Variants in LRRC1 observed in about 807,000 individuals in gnomAD.
The protein encoded by LRRC1 is leucine-rich repeat-containing protein 1.
In LRRC1, 28 loss-of-function variants were observed where a neutral mutation model predicts 69.9. The ratio of observed to expected loss-of-function variants is 0.40; its 90% CI spans 0.30 to 0.55. The LOEUF is 0.55. LRRC1 is among the 20% of genes least tolerant of loss of function. The probability of loss-of-function intolerance (pLI) is 0.47; values close to 1 mark genes in which losing one functional copy is unlikely to be tolerated. For missense variants in LRRC1, 498 were observed against 609.0 expected, an observed-to-expected ratio of 0.82 and a Z score of 1.92; for synonymous variants, 236 against 240.2, an observed-to-expected ratio of 0.98 and a Z score of 0.16.
chr6:53,843,277 A>G (rs1464529227), intron 2 of LRRC1, among the ~76,000 whole-genome samples: 1 of 152,132 alleles, frequency 6.6e-6, no homozygotes, highest in Non-Finnish European at 1.5e-5. Context: ...GATTATCTTT[A>G]GGTCTGTATA....
At chr6:53,832,786 T>G (rs781587460) in intron 1 of LRRC1, among the ~76,000 whole-genome samples, 4 of 152,138 alleles carry the variant, frequency 2.6e-5, no homozygotes, top group Non-Finnish European at 5.9e-5. Context: ...TGGCCTAAGT[T>G]CCTTTTTTTC....
intron 9 of LRRC1, among the ~76,000 whole-genome samples, chr6:53,902,970 A>G (rs1768106515): frequency 6.6e-6 from 1 of 152,172 alleles, no homozygotes; most frequent in Admixed American, 6.5e-5. Flanking sequence ...CTTTGAATAT[A>G]GAGACTGAAC....
rs945687032 is a variant in LRRC1, at chr6:53,923,703, T to C, written c.*910T>C. The C allele has an allele frequency of 6.6e-6, 1 of 152,484 alleles. No individual in the cohort carries two copies. The highest frequency in any genetic ancestry group is 2.4e-5 in the African/African-American group (1 of 41,394). The allele number at this position is 152,484 out of a possible 1,614,324, so 9.4% of individuals were successfully genotyped here. ...CTGATGGTATGTGCCATTTGTAAAA[T>C]AAAATAGAGCAGAAAAACACAAAAA... On this transcript the variant is annotated 3_prime_UTR_variant, in exon 14 of 14. Transcript: ENST00000370888.
At chr6:53,864,943 A>T (rs1766647559) in intron 2 of LRRC1, among the ~76,000 whole-genome samples, 1 of 152,124 alleles carries the variant, frequency 6.6e-6, no homozygotes, top group Non-Finnish European at 1.5e-5. Flanking sequence ...TTGGAAATAG[A>T]AATATTGTGC....
chr6:53,878,851 T>C lies in LRRC1; in HGVS notation c.278-142T>C. The C allele has an allele frequency of 1.5e-5, 8 of 528,150 alleles. No homozygotes were observed. In the South Asian group the frequency reaches 2.1e-4, roughly 14 times the overall value. The allele number at this position is 528,150 out of a possible 1,614,324, so 32.7% of individuals were successfully genotyped here. A position where few individuals can be genotyped will look rare whatever the true frequency, so the allele number is the denominator to read the frequency against. On this transcript the variant is annotated intron_variant, in intron 2 of 13. Coordinates refer to ENST00000370888, the MANE Select transcript of LRRC1 (RefSeq NM_018214.5). ...TATTAGGAAAGCAAATATAAATATA[T>C]TAAAATACTTTATAAGTCTAGGTCA...
At chr6:53,813,494 A>G (rs999529308) in intron 1 of LRRC1, among the ~76,000 whole-genome samples, 1 of 148,572 alleles carries the variant, frequency 6.7e-6, no homozygotes, top group African/African-American at 2.5e-5. Context: ...GCCCAACTTT[A>G]CCAGCTGGAA....
chr6:53,838,923 A>G (rs1372872875), intron 1 of LRRC1, among the ~76,000 whole-genome samples: 3 of 152,154 alleles, frequency 2.0e-5, no homozygotes, highest in Non-Finnish European at 2.9e-5. Flanking sequence ...TTTGTCACCC[A>G]ACATAACTGC....
intron 2 of LRRC1, among the ~76,000 whole-genome samples, chr6:53,870,830 A>G (rs544061374): frequency 1.3e-5 from 2 of 152,246 alleles, no homozygotes; most frequent in South Asian, 2.1e-4. Context: ...TCACTATTCA[A>G]CTTGCTACTT....
At chr6:53,811,230 C>T (rs1764785201) in intron 1 of LRRC1, among the ~76,000 whole-genome samples, 1 of 152,290 alleles carries the variant, frequency 6.6e-6, no homozygotes, top group East Asian at 1.9e-4. Flanking sequence ...AGGAGCACAG[C>T]TTTAGTTTCT....
intron 11 of LRRC1, 65 bp from the exon 12 acceptor site, chr6:53,919,433 G>A: frequency 1.6e-6 from 2 of 1,269,134 alleles, no homozygotes; most frequent in East Asian, 2.6e-5. Flanking sequence ...TGTTGATAGG[G>A]ATTGATTTGA....
intron 7 of LRRC1, 114 bp from the exon 8 acceptor site, chr6:53,899,633 A>C (rs1280938057): frequency 1.0e-6 from 1 of 969,694 alleles, no homozygotes; most frequent in East Asian, 2.6e-5. Flanking sequence ...TTCATGCTAA[A>C]GATAACATCC....
intron 1 of LRRC1, among the ~76,000 whole-genome samples, chr6:53,813,078 G>A (rs1764843422): frequency 6.6e-6 from 1 of 152,110 alleles, no homozygotes; most frequent in Non-Finnish European, 1.5e-5. Flanking sequence ...AAGGTACTTG[G>A]GATGCTGTAC....
intron 8 of LRRC1, among the ~76,000 whole-genome samples, chr6:53,901,730 A>C (rs1352818917): frequency 2.6e-5 from 4 of 152,190 alleles, no homozygotes; most frequent in Non-Finnish European, 4.4e-5. Flanking sequence ...AGAAAATGCT[A>C]GTGGATCTCC....
intron 2 of LRRC1, among the ~76,000 whole-genome samples, chr6:53,870,354 G>A (rs921289399): frequency 6.6e-6 from 1 of 151,996 alleles, no homozygotes; most frequent in Non-Finnish European, 1.5e-5. Context: ...GTGCTTCTTT[G>A]AGTTTTGTTT....
At chr6:53,823,987 A>G (rs1213790535) in intron 1 of LRRC1, among the ~76,000 whole-genome samples, 2 of 152,126 alleles carry the variant, frequency 1.3e-5, no homozygotes, top group East Asian at 3.9e-4. Context: ...AACAATTTAT[A>G]TTCTGTTGGT....
intron 4 of LRRC1, among the ~76,000 whole-genome samples, chr6:53,892,532 G>A (rs1767738806): frequency 6.6e-6 from 1 of 152,160 alleles, no homozygotes; most frequent in African/African-American, 2.4e-5. Flanking sequence ...TCCCGAAGCT[G>A]CTCAGGAGCA....
At chr6:53,863,901 C>T (rs956418359) in intron 2 of LRRC1, among the ~76,000 whole-genome samples, 1 of 152,154 alleles carries the variant, frequency 6.6e-6, no homozygotes, top group African/African-American at 2.4e-5. Flanking sequence ...ATAAATTCAG[C>T]TTTATTATCA....
chr6:53,867,261 G>A (rs577543206), intron 2 of LRRC1, among the ~76,000 whole-genome samples: 17 of 152,194 alleles, frequency 1.1e-4, no homozygotes, highest in South Asian at 4.2e-4. Context: ...CTTAGTAGGC[G>A]CTCAGTAAAG....
intron 10 of LRRC1, among the ~76,000 whole-genome samples, chr6:53,912,598 T>C (rs1768448354): frequency 6.6e-6 from 1 of 152,206 alleles, no homozygotes; most frequent in Non-Finnish European, 1.5e-5. Context: ...TTAAATATTG[T>C]GGTTCAATAC....
Sources: allele counts gnomAD v4.1 joint callset (sites outside exome capture counted in the v4.1 genomes callset), GRCh38; gene constraint gnomAD v4.1.1; transcripts MANE v1.5; gene names NCBI Gene and HGNC (gene_info 2026-07-23, HGNC 2026-07-21).